The following SPOCK3 variants were observed in gnomAD, a reference collection of about 807,000 sequenced individuals.
The protein encoded by SPOCK3 is testican-3.
In SPOCK3, 30 loss-of-function variants were observed where a neutral mutation model predicts 56.6. That is an observed-to-expected ratio of 0.53 (90% CI 0.40 to 0.72). The LOEUF (loss-of-function observed/expected upper bound fraction) is 0.72. Ranked by LOEUF, SPOCK3 falls within the 30% of genes least tolerant of loss-of-function variation. SPOCK3 has a pLI of 0.00. For missense variants in SPOCK3, 527 were observed against 530.0 expected (o/e 0.99, Z 0.06); for synonymous variants, 196 against 183.3 (o/e 1.07, Z -0.56).
rs537333063 is a variant in SPOCK3 at position 166,790,093 on chromosome 4, CTTCA to C, written c.709+2073_709+2076del. ...ATGTAGTATATTGATTGCTTCTTTGCTTCATTCATTCATTAACTCCTTTCAGTTT... is the reference window on the plus strand; with the variant it reads ...ATGTAGTATATTGATTGCTTCTTTGCTTCATTCATTAACTCCTTTCAGTTT... On this transcript the variant is annotated intron_variant, in intron 7 of 10. Coordinates refer to ENST00000357545, the MANE Select transcript of SPOCK3 (RefSeq NM_001040159.2). Among the ~76,000 whole-genome samples, 406 of 152,192 alleles carry C rather than the reference CTTCA, an allele frequency of 2.7e-3. 3 individuals are homozygous for C. The highest frequency in any genetic ancestry group is 9.3e-3 in the African/African-American group (387 of 41,528).
chr4:167,220,159 T>C (rs1214644972), intron 2 of SPOCK3, among the ~76,000 whole-genome samples: 1 of 152,162 alleles, frequency 6.6e-6, no homozygotes, highest in Non-Finnish European at 1.5e-5. Context: ...GTTGATTACG[T>C]ATGATAGTAA....
intron 2 of SPOCK3, among the ~76,000 whole-genome samples, chr4:167,119,011 A>G (rs1185366712): frequency 6.6e-6 from 1 of 151,866 alleles, no homozygotes; most frequent in Non-Finnish European, 1.5e-5. Flanking sequence ...ATTTATCTAC[A>G]TGCCTAGAAA....
At chr4:167,106,722 TGAAA>T in intron 2 of SPOCK3, among the ~76,000 whole-genome samples, 1 of 143,908 alleles carries the variant, frequency 6.9e-6, no homozygotes, top group African/African-American at 2.6e-5. Flanking sequence ...TTTTTTTTTT[TGAAA>T]AGATAAAATT....
intron 2 of SPOCK3, among the ~76,000 whole-genome samples, chr4:167,225,852 T>A (rs1736543828): frequency 6.6e-6 from 1 of 152,196 alleles, no homozygotes; most frequent in Non-Finnish European, 1.5e-5. Flanking sequence ...ATTTCCTAAC[T>A]GTCCCAGAGA....
rs142676021 is a variant in SPOCK3, at chr4:167,194,268, T to C, written c.189+39717A>G. ...TTATGTTTGGTTCTTTCTTACACTT[T>C]CTATTTTTGTATGAGACTTCTTATT... is the stretch of plus-strand genomic sequence containing the variant. On this transcript the variant is annotated intron_variant, in intron 2 of 10. Transcript: ENST00000357545. 1.2e-3 allele frequency among the ~76,000 whole-genome samples: 146 copies of C among 119,292 alleles called. 24 individuals carry two copies. Among genetic ancestry groups the C allele is most frequent in the African/African-American group, 5.0e-3 (140 of 27,778 alleles). The allele number at this position is 119,292 out of a possible 152,430, so 78.3% of individuals were successfully genotyped here. A position where few individuals can be genotyped will look rare whatever the true frequency, so the allele number is the denominator to read the frequency against.
chr4:166,739,886 C>T (rs7693792), intron 9 of SPOCK3, among the ~76,000 whole-genome samples: 36,622 of 151,906 alleles, frequency 0.24, 5,354 homozygotes, highest in African/African-American at 0.4. Flanking sequence ...ATAATTTATT[C>T]AAAATAGCTG....
intron 2 of SPOCK3, among the ~76,000 whole-genome samples, chr4:167,194,068 G>T (rs1394070417): frequency 2.6e-5 from 4 of 152,068 alleles, no homozygotes; most frequent in Admixed American, 6.6e-5. Context: ...TCTATTGATT[G>T]TTCCTCTGCT....
At chr4:167,064,679 C>G (rs1256561516) in intron 2 of SPOCK3, among the ~76,000 whole-genome samples, 3 of 151,652 alleles carry the variant, frequency 2.0e-5, no homozygotes, top group Admixed American at 1.3e-4. Flanking sequence ...TGGAGACGGG[C>G]AAACCAGAAT....
chr4:167,097,393 C>T (rs1561211615), intron 2 of SPOCK3, among the ~76,000 whole-genome samples: 2 of 151,252 alleles, frequency 1.3e-5, no homozygotes, highest in Non-Finnish European at 3.0e-5. Flanking sequence ...CTTTTCTTGA[C>T]ATTAGGCTTC....
At chr4:166,836,362 A>G (rs747800261) in intron 6 of SPOCK3, among the ~76,000 whole-genome samples, 2 of 152,218 alleles carry the variant, frequency 1.3e-5, no homozygotes, top group Non-Finnish European at 2.9e-5. Flanking sequence ...TTAAAATAGC[A>G]TATTACTAAT....
chr4:167,210,789 C>A (rs1326280733), intron 2 of SPOCK3, among the ~76,000 whole-genome samples: 1 of 151,910 alleles, frequency 6.6e-6, no homozygotes. Flanking sequence ...ATGACTAGCT[C>A]GAGAGCAAAA....
chr4:167,054,003 T>A (rs540795076), intron 3 of SPOCK3, among the ~76,000 whole-genome samples: 1 of 152,314 alleles, frequency 6.6e-6, no homozygotes, highest in African/African-American at 2.4e-5. Context: ...ACTGCCATGG[T>A]AGAGAACAAG....
chr4:167,176,826 G>T (rs1214213522), intron 2 of SPOCK3, among the ~76,000 whole-genome samples: 3 of 152,090 alleles, frequency 2.0e-5, no homozygotes, highest in Non-Finnish European at 2.9e-5. Context: ...AAGGCCAAGT[G>T]GTTCACGGGG....
At chr4:167,116,360 C>T (rs565592560) in intron 2 of SPOCK3, among the ~76,000 whole-genome samples, 71 of 147,972 alleles carry the variant, frequency 4.8e-4, no homozygotes, top group African/African-American at 1.7e-3. Context: ...GAAAGCAAGT[C>T]AAATAAATTA....
chr4:166,844,072 G>T (rs1020545468), intron 6 of SPOCK3, among the ~76,000 whole-genome samples: 1 of 152,162 alleles, frequency 6.6e-6, no homozygotes, highest in Non-Finnish European at 1.5e-5. Context: ...AACAGAGTGC[G>T]GCTGAGCCAG....
In SPOCK3 at chr4:167,036,394, A is replaced by C. The variant is rs1752757941; in HGVS notation, c.235+26098T>G. Among the ~76,000 whole-genome samples, 3 of 152,252 alleles carry C rather than the reference A, an allele frequency of 2.0e-5. No individual in the cohort carries two copies. In the South Asian group the frequency reaches 6.2e-4, roughly 32 times the overall value. The stretch of plus-strand genomic sequence containing the variant: ...GACCTTATTTCTTTATTTATATCCC[A>C]ACTGCAGCCTTGTGCCCAGTCACAG... On this transcript the variant is annotated intron_variant, in intron 3 of 10. Coordinates refer to ENST00000357545, the MANE Select transcript of SPOCK3 (RefSeq NM_001040159.2).
intron 4 of SPOCK3, among the ~76,000 whole-genome samples, chr4:166,958,566 T>C (rs1345909807): frequency 1.3e-5 from 2 of 152,152 alleles, no homozygotes; most frequent in Non-Finnish European, 2.9e-5. Flanking sequence ...AAAAAGCAAC[T>C]AGAGTGATCC....
chr4:167,115,490 A>G (rs1161666617), intron 2 of SPOCK3, among the ~76,000 whole-genome samples: 1 of 152,134 alleles, frequency 6.6e-6, no homozygotes, highest in African/African-American at 2.4e-5. Flanking sequence ...ATAATTAAAG[A>G]AAGAAGGAGA....
chr4:167,000,115 A>G (rs1384898342), intron 4 of SPOCK3, among the ~76,000 whole-genome samples: 2 of 152,198 alleles, frequency 1.3e-5, no homozygotes, highest in Non-Finnish European at 2.9e-5. Flanking sequence ...TATCATCTTT[A>G]TAAGACCTTC....
Sources: gnomAD v4.1 joint callset for allele counts (sites outside exome capture counted in the v4.1 genomes callset) on GRCh38, gnomAD v4.1.1 for gene constraint, MANE v1.5 for transcripts, NCBI Gene and HGNC (gene_info 2026-07-23, HGNC 2026-07-21) for gene names.